ACOXL: variants seen among roughly 807,000 people sequenced by gnomAD.
ACOXL encodes the protein acyl-coenzyme A oxidase-like protein.
ACOXL carries 70 observed loss-of-function variants against 71.9 expected under a neutral mutation model. The ratio of observed to expected loss-of-function variants is 0.97; its 90% confidence interval spans 0.80 to 1.19. The LOEUF is 1.19. Ranked by LOEUF, ACOXL falls within the 50% of genes most tolerant of loss-of-function variation. The pLI is 0.00. For missense variants in ACOXL, 703 were observed against 736.3 expected (o/e 0.95, Z 0.52); for synonymous variants, 253 against 281.6 (o/e 0.90, Z 1.02).
intron 11 of ACOXL, among the ~76,000 whole-genome samples, chr2:110,925,516 C>G (rs536631448): frequency 6.6e-6 from 1 of 152,290 alleles, no homozygotes; most frequent in Admixed American, 6.5e-5. Flanking sequence ...AATCAAGAAC[C>G]AATTTAGCCT....
chr2:110,764,366 A>G (rs553392661), intron 1 of ACOXL, among the ~76,000 whole-genome samples: 2 of 152,236 alleles, frequency 1.3e-5, no homozygotes, highest in Non-Finnish European at 2.9e-5. Flanking sequence ...TGAAAAGCAC[A>G]TGGAGACTTA....
At chr2:110,869,635 C>T (rs1437373960) in intron 10 of ACOXL, among the ~76,000 whole-genome samples, 1 of 152,200 alleles carries the variant, frequency 6.6e-6, no homozygotes, top group African/African-American at 2.4e-5. Context: ...AAGCCCTGTG[C>T]TTGCCCAGGT....
intron 15 of ACOXL, among the ~76,000 whole-genome samples, chr2:111,044,020 G>T (rs1033915624): frequency 3.3e-5 from 5 of 152,196 alleles, no homozygotes; most frequent in African/African-American, 1.2e-4. Flanking sequence ...TACAAAGCAA[G>T]CTTACAACAT....
intron 14 of ACOXL, among the ~76,000 whole-genome samples, chr2:111,029,878 A>G (rs1366010439): frequency 6.6e-6 from 1 of 151,572 alleles, no homozygotes; most frequent in Non-Finnish European, 1.5e-5. Context: ...CTTTTTCCTC[A>G]TACTCTGAGG....
chr2:111,054,272 A>G (rs1450392579), intron 16 of ACOXL, among the ~76,000 whole-genome samples: 2 of 152,122 alleles, frequency 1.3e-5, no homozygotes, highest in Non-Finnish European at 2.9e-5. Context: ...CTAAGTTGCA[A>G]CCTTTGGCAG....
Position 110,931,251 on chromosome 2 carries a change from C to T in ACOXL, c.906-2238C>T, listed in dbSNP as rs549254387. The stretch of plus-strand genomic sequence containing the variant: ...GAGTAAGAGCCACTGGTGCACCTCT[C>T]CACCTGGCAGCTGGAAGTTTGGCTG... On this transcript the variant is annotated intron_variant, in intron 11 of 17. Transcript: ENST00000439055. 5.2e-4 allele frequency among the ~76,000 whole-genome samples: 79 copies of T among 152,338 alleles called. 1 individual carries two copies. The highest frequency in any genetic ancestry group is 3.4e-3 in the Middle Eastern group (1 of 294).
intron 10 of ACOXL, among the ~76,000 whole-genome samples, chr2:110,844,498 C>T (rs1691547675): frequency 6.6e-6 from 1 of 151,454 alleles, no homozygotes; most frequent in African/African-American, 2.4e-5. Flanking sequence ...GATCTTTTCT[C>T]TTAGAAGCCT....
intron 3 of ACOXL, among the ~76,000 whole-genome samples, chr2:110,787,678 G>T (rs1363517150): frequency 6.6e-6 from 1 of 152,022 alleles, no homozygotes; most frequent in Non-Finnish European, 1.5e-5. Context: ...TGCAGGTGTG[G>T]CCCTGGTCAC....
chr2:110,983,281 C>T (rs1181110043), intron 12 of ACOXL, among the ~76,000 whole-genome samples: 1 of 152,156 alleles, frequency 6.6e-6, no homozygotes, highest in East Asian at 1.9e-4. Context: ...TCATAGATGC[C>T]TTGAAAAGTG....
chr2:110,812,611 G>C (rs1376669019), intron 9 of ACOXL, among the ~76,000 whole-genome samples: 4 of 152,188 alleles, frequency 2.6e-5, no homozygotes, highest in African/African-American at 9.7e-5. Flanking sequence ...ATGGCCTCCA[G>C]CTCCATTCAT....
rs114397824 is a variant in ACOXL at position 110,745,487 on chromosome 2, G to T, written c.-23+12713G>T. Reference sequence around the variant, plus strand: ...AGTGGGTGTCTGCAAGGGAAAATGGGTGATGTAGCTCGGGGAAGGGACAGC... The same window carrying T: ...AGTGGGTGTCTGCAAGGGAAAATGGTTGATGTAGCTCGGGGAAGGGACAGC... On this transcript the variant is annotated intron_variant, in intron 1 of 17. Transcript: ENST00000439055. 9.4e-3 allele frequency among the ~76,000 whole-genome samples: 1,425 copies of T among 152,294 alleles called. 23 individuals are homozygous for T. The highest frequency in any genetic ancestry group is 0.033 in the African/African-American group (1,352 of 41,548).
intron 12 of ACOXL, among the ~76,000 whole-genome samples, chr2:110,970,126 G>A (rs2062116672): frequency 6.6e-6 from 1 of 151,974 alleles, no homozygotes; most frequent in African/African-American, 2.4e-5. Context: ...GGTACTCCTT[G>A]ATTATTTTAG....
intron 10 of ACOXL, among the ~76,000 whole-genome samples, chr2:110,886,493 C>T (rs937070260): frequency 6.6e-6 from 1 of 151,728 alleles, no homozygotes; most frequent in African/African-American, 2.4e-5. Context: ...TCTCCTGCCT[C>T]AGCCTCCTGA....
intron 12 of ACOXL, among the ~76,000 whole-genome samples, chr2:110,950,810 G>GGAGAGAGTGAGAGAGAGA (rs2061300662): frequency 7.0e-6 from 1 of 142,796 alleles, no homozygotes; most frequent in East Asian, 2.3e-4. Flanking sequence ...GGTGGGGGGT[G>GGAGAGAGTGAGAGAGAGA]GAGAGAGAGA....
chr2:110,900,473 C>G (rs2059191573), intron 10 of ACOXL, among the ~76,000 whole-genome samples: 1 of 152,162 alleles, frequency 6.6e-6, no homozygotes, highest in South Asian at 2.1e-4. Flanking sequence ...TTATCAGCCC[C>G]AGTTAATGGT....
At chr2:110,759,579 A>G (rs916616242) in intron 1 of ACOXL, among the ~76,000 whole-genome samples, 1 of 152,102 alleles carries the variant, frequency 6.6e-6, no homozygotes, top group Non-Finnish European at 1.5e-5. Context: ...GCACATGGAT[A>G]GGTCTCTTGA....
chr2:110,896,438 A>G (rs2059010099), intron 10 of ACOXL, among the ~76,000 whole-genome samples: 1 of 152,194 alleles, frequency 6.6e-6, no homozygotes, highest in African/African-American at 2.4e-5. Flanking sequence ...GAGCTTGACA[A>G]AGTGTATTTA....
At chr2:110,924,746 C>A (rs1208757486) in intron 11 of ACOXL, among the ~76,000 whole-genome samples, 2 of 152,032 alleles carry the variant, frequency 1.3e-5, no homozygotes, top group Non-Finnish European at 2.9e-5. Context: ...ACATCAACTT[C>A]TTCTGAACTG....
intron 14 of ACOXL, among the ~76,000 whole-genome samples, chr2:111,007,722 G>A (rs1239515154): frequency 6.6e-6 from 1 of 152,124 alleles, no homozygotes; most frequent in Non-Finnish European, 1.5e-5. Flanking sequence ...TGGTCTCTGG[G>A]TGTGCTCATT....
Sources: allele counts gnomAD v4.1 joint callset (sites outside exome capture counted in the v4.1 genomes callset), GRCh38; gene constraint gnomAD v4.1.1; transcripts MANE v1.5; gene names NCBI Gene and HGNC (gene_info 2026-07-23, HGNC 2026-07-21).